FBXO25: variants seen among roughly 807,000 people sequenced by gnomAD.
FBXO25 encodes the protein F-box protein 25, also known as F-box only protein 25.
FBXO25 carries 45 observed loss-of-function variants against 51.9 expected under a neutral mutation model. The ratio of observed to expected loss-of-function variants is 0.87; its 90% CI spans 0.68 to 1.11. The LOEUF (loss-of-function observed/expected upper bound fraction) is 1.11, where lower values mean the gene tolerates loss of function less well. FBXO25 is among the 50% of genes most tolerant of loss of function. The pLI, the probability that FBXO25 is intolerant of heterozygous loss-of-function variation, is 0.00. For missense variants in FBXO25, 507 were observed against 428.5 expected, an observed-to-expected ratio of 1.18 and a Z score of -1.62; for synonymous variants, 199 against 151.0, an observed-to-expected ratio of 1.32 and a Z score of -2.33.
chr8:463,139 C>A lies in FBXO25; in HGVS notation c.976C>A (p.Leu326Ile). ...GCATTTCTGTCGGCACTGCAGCATTCTCTTTTGGAAGGTACTGATTTAAAT... is the reference window on the plus strand; with the variant it reads ...GCATTTCTGTCGGCACTGCAGCATTATCTTTTGGAAGGTACTGATTTAAAT... ...TLHFCRHCSI[L>I]FWKDSGHPCT... The change falls in exon 9 of 10, where the codon CTC becomes ATC. Residue 326 changes from leucine to isoleucine, a missense_variant. Transcript: ENST00000350302. 1 of 1,611,060 alleles carries A rather than the reference C, an allele frequency of 6.2e-7. No individual in the cohort carries two copies. The highest frequency in any genetic ancestry group is 8.5e-7 in the Non-Finnish European group (1 of 1,179,440).
intron 5 of FBXO25, among the ~76,000 whole-genome samples, chr8:441,459 A>G (rs1271826451): frequency 3.9e-5 from 6 of 152,250 alleles, no homozygotes; most frequent in Non-Finnish European, 2.9e-5. Flanking sequence ...AGGCATGGGC[A>G]AAGACTTGAT....
At chr8:428,114 C>T (rs551330169) in intron 2 of FBXO25, among the ~76,000 whole-genome samples, 10 of 152,122 alleles carry the variant, frequency 6.6e-5, no homozygotes, top group Non-Finnish European at 1.0e-4. Context: ...TTTACTTCTA[C>T]TTGGAGTTGT....
At chr8:468,350 G>C in intron 9 of FBXO25, 1 of 840,078 alleles carries the variant, frequency 1.2e-6, no homozygotes, top group Non-Finnish European at 1.4e-6. Flanking sequence ...CAGGACAAAG[G>C]AATGGCTGGG....
rs1353854108 is a variant in FBXO25, at chr8:477,220, A to C, written c.*8416A>C. 6.6e-6 allele frequency: 1 copy of C among 152,232 alleles called. No individual in the cohort carries two copies. The highest frequency in any genetic ancestry group is 1.9e-4 in the East Asian group (1 of 5,202). The allele number at this position is 152,232 out of a possible 1,614,324, so 9.4% of individuals were successfully genotyped here. On this transcript the variant is annotated 3_prime_UTR_variant, in exon 10 of 10. Transcript: ENST00000350302. ...CTAACATACTGTCTATCCTAGAGAA[A>C]GGTCCATTTGCACTTGAGAAAAACG...
chr8:465,197 C>A (rs1800072773), intron 9 of FBXO25, among the ~76,000 whole-genome samples: 1 of 152,016 alleles, frequency 6.6e-6, no homozygotes. Context: ...GAACAGGGCC[C>A]CCCTTCTGTG....
chr8:419,125 C>G (rs1380201286), intron 2 of FBXO25, among the ~76,000 whole-genome samples: 1 of 151,712 alleles, frequency 6.6e-6, no homozygotes, highest in African/African-American at 2.4e-5. Flanking sequence ...TTTGGGAGGC[C>G]AAGGCGGGCG....
chr8:451,505 A>G, intron 7 of FBXO25, 52 bp downstream of exon 7: 1 of 1,525,174 alleles, frequency 6.6e-7, no homozygotes, highest in Non-Finnish European at 8.9e-7. Flanking sequence ...ATATTACAGA[A>G]GTTATCTTTT....
chr8:451,925 A>G (rs1293113089), intron 7 of FBXO25, among the ~76,000 whole-genome samples: 1 of 152,128 alleles, frequency 6.6e-6, no homozygotes, highest in Non-Finnish European at 1.5e-5. Flanking sequence ...AGTTTTTTTG[A>G]TATTTTTTCT....
In FBXO25 at chr8:413,158, T is replaced by C. The variant is rs753567178; in HGVS notation, c.79T>C (p.Ser27Pro). 6.2e-7 allele frequency: 1 copy of C among 1,611,342 alleles called. No individual in the cohort carries two copies. The highest frequency in any genetic ancestry group is 2.2e-5 in the East Asian group (1 of 44,676). The part of the protein sequence containing the change: ...KTEDGWKRCE[S>P]CSQKLERENN... ...AGAAGATGGCTGGAAGAGATGTGAA[T>C]CTTGTAGTCAGAAACTTGAAAGAGA... is the stretch of plus-strand genomic sequence containing the variant. The change falls in exon 2 of 10, where the codon TCT (serine) becomes CCT (proline). Residue 27 changes from serine to proline, a missense_variant. By Grantham distance (74) the Ser-to-Pro change is moderately conservative. Coordinates refer to ENST00000350302, the MANE Select transcript of FBXO25 (RefSeq NM_183420.2).
chr8:477,914 G>A lies in FBXO25; in HGVS notation c.*9110G>A, dbSNP rs919467253. ...TGGCCTGTATTTCACTTGCCAACCT[G>A]ATTTATACTTTTGTATCTATTTGAC... On this transcript the variant is annotated 3_prime_UTR_variant, in exon 10 of 10. Transcript: ENST00000350302. 1.2e-4 allele frequency: 18 copies of A among 152,152 alleles called. No homozygotes were observed. The highest frequency in any genetic ancestry group is 3.9e-4 in the East Asian group (2 of 5,184). The allele number at this position is 152,152 out of a possible 1,614,324, so 9.4% of individuals were successfully genotyped here.
chr8:421,603 G>C (rs969741583), intron 2 of FBXO25, among the ~76,000 whole-genome samples: 2 of 152,152 alleles, frequency 1.3e-5, no homozygotes, highest in African/African-American at 4.8e-5. Flanking sequence ...AGGGCTGTTG[G>C]TTTTTTCAGA....
intron 5 of FBXO25, among the ~76,000 whole-genome samples, chr8:448,210 A>C (rs1798855980): frequency 6.6e-6 from 1 of 152,208 alleles, no homozygotes; most frequent in African/African-American, 2.4e-5. Flanking sequence ...ATGTTCAGGA[A>C]AATTCTGCTC....
At chr8:412,983 C>T (rs1796573566) in intron 1 of FBXO25, 90 bp from the exon 2 acceptor site, 1 of 1,055,450 alleles carries the variant, frequency 9.5e-7, no homozygotes. Context: ...ATGTTAAGAA[C>T]TTTAATCTTT....
At chr8:412,985 T>G in intron 1 of FBXO25, 88 bp from the exon 2 acceptor site, 2 of 1,071,058 alleles carry the variant, frequency 1.9e-6, no homozygotes, top group Non-Finnish European at 2.5e-6. Flanking sequence ...GTTAAGAACT[T>G]TAATCTTTAA....
chr8:440,272 C>A (rs1415439073), intron 5 of FBXO25, among the ~76,000 whole-genome samples: 1 of 152,186 alleles, frequency 6.6e-6, no homozygotes, highest in Admixed American at 6.5e-5. Flanking sequence ...TAGATTAGTT[C>A]CATCATAGGA....
intron 5 of FBXO25, among the ~76,000 whole-genome samples, chr8:440,439 A>G (rs1309480183): frequency 6.6e-6 from 1 of 152,218 alleles, no homozygotes; most frequent in Admixed American, 6.5e-5. Flanking sequence ...GAAGGTCACA[A>G]TGGAGTCAAG....
intron 5 of FBXO25, among the ~76,000 whole-genome samples, chr8:446,489 T>G (rs1798746566): frequency 6.6e-6 from 1 of 152,160 alleles, no homozygotes; most frequent in Non-Finnish European, 1.5e-5. Context: ...CATTGTTGTG[T>G]GAATCTGAAT....
At chr8:418,333 C>CTTTTTTTTTTTTTTT (rs1207244013) in intron 2 of FBXO25, among the ~76,000 whole-genome samples, 18 of 72,336 alleles carry the variant, frequency 2.5e-4, no homozygotes, top group Non-Finnish European at 3.0e-4. Flanking sequence ...TTTGTTTGTT[C>CTTTTTTTTTTTTTTT]TTTTTTTTTT....
intron 2 of FBXO25, among the ~76,000 whole-genome samples, 190 bp from the exon 3 acceptor site, chr8:431,151 T>A (rs934111994): frequency 1.3e-5 from 2 of 152,238 alleles, no homozygotes; most frequent in Non-Finnish European, 2.9e-5. Context: ...CAGCACTTTC[T>A]GGTACAATAT....
Sources: allele counts gnomAD v4.1 joint callset (sites outside exome capture counted in the v4.1 genomes callset), GRCh38; gene constraint gnomAD v4.1.1; transcripts MANE v1.5; gene names NCBI Gene and HGNC (gene_info 2026-07-23, HGNC 2026-07-21).